TIMM17B: variants seen among roughly 807,000 people sequenced by gnomAD.
TIMM17B encodes translocase of inner mitochondrial membrane 17B, also known as mitochondrial import inner membrane translocase subunit Tim17-B.
A neutral mutation model predicts 15.9 loss-of-function variants in TIMM17B; 10 were observed. The ratio of observed to expected loss-of-function variants is 0.63; its 90% CI spans 0.39 to 1.06. The LOEUF is 1.06. Among genes scored for constraint, TIMM17B ranks in the 50% least tolerant of loss-of-function variants. TIMM17B has a pLI of 0.01. For synonymous variants in TIMM17B, 57 were observed against 57.2 expected (o/e 1.00, Z 0.02); for missense variants, 114 against 152.2 (o/e 0.75, Z 1.32).
exon 7 of TIMM17B, chrX:48,893,533 C>A (rs1227125062): frequency 2.6e-6 from 1 of 389,796 alleles, no homozygotes; most frequent in Non-Finnish European, 4.4e-6. Context: ...GAGTGTGGGG[C>A]TGGGGTGCCC....
chrX:48,896,900 C>T, intron 2 of TIMM17B, 42 bp from the exon 2 acceptor site: 1 of 1,204,955 alleles, frequency 8.3e-7, no homozygotes, highest in South Asian at 1.8e-5. Context: ...GTGAGCCCTC[C>T]CCCAGGTCCT....
intron 1 of TIMM17B, 103 bp from the exon 1 acceptor site, chrX:48,897,871 C>A (rs1557039984): frequency 1.9e-6 from 2 of 1,027,875 alleles, no homozygotes; most frequent in Admixed American, 5.6e-5. Flanking sequence ...ACGCCAAGGA[C>A]GCACTCTCAT....
In TIMM17B at chrX:48,897,709, T is replaced by G. The variant is rs376819581; in HGVS notation, c.26+15A>C. On this transcript the variant is annotated intron_variant, in intron 2 of 6. Coordinates refer to ENST00000376582, the Ensembl canonical transcript of TIMM17B. ...GTCGCAGCAATATTCCGGATGCCTG[T>G]GCCCATTGCCGTACCAGGGCTCCCG... The G allele has an allele frequency of 3.4e-6, 4 of 1,193,533 alleles. No individual in the cohort carries two copies. In the East Asian group the frequency reaches 8.9e-5, roughly 27 times the overall value.
At chrX:48,897,821 C>T in exon 2 of TIMM17B, 1 of 1,180,484 alleles carries the variant, frequency 8.5e-7, no homozygotes, top group African/African-American at 1.7e-5. Flanking sequence ...GAGCTTTCCG[C>T]CTATTACCGG....
exon 6 of TIMM17B, chrX:48,893,963 A>G: frequency 1.7e-6 from 2 of 1,210,594 alleles, no homozygotes; most frequent in Non-Finnish European, 2.2e-6. Context: ...ATGAGGGCCA[A>G]CAGGATGCCC....
At chrX:48,897,645 C>T (rs1009646790) in intron 2 of TIMM17B, 79 bp downstream of exon 1, 1 of 852,258 alleles carries the variant, frequency 1.2e-6, no homozygotes, top group Non-Finnish European at 1.7e-6. Flanking sequence ...TCTGTGCGGC[C>T]GATGCCTCCC....
intron 2 of TIMM17B, chrX:48,897,069 TTA>T: frequency 2.3e-6 from 2 of 858,282 alleles, no homozygotes; most frequent in Non-Finnish European, 3.2e-6. Context: ...GGGAGAAATA[TTA>T]GTCTTCGCCC....
chrX:48,897,777 G>A lies in TIMM17B; in HGVS notation c.-28C>T, dbSNP rs1182286876. 2.5e-6 allele frequency: 3 copies of A among 1,207,734 alleles called. No individual in the cohort carries two copies. Among genetic ancestry groups the A allele is most frequent in the African/African-American group, 1.7e-5 (1 of 57,949 alleles). The stretch of plus-strand genomic sequence containing the variant: ...CGCTGGCGTCTGGCCGCGCAGTCAG[G>A]CCACGCCCCCAGCGTAGACGCACAC... On this transcript the variant is annotated 5_prime_UTR_variant, in exon 2 of 7. Coordinates refer to ENST00000376582, the Ensembl canonical transcript of TIMM17B.
chrX:48,893,896 T>C lies in TIMM17B; in HGVS notation c.430+4A>G, dbSNP rs934944429. 3.3e-6 allele frequency: 4 copies of C among 1,202,944 alleles called. No individual in the cohort carries two copies. The Admixed American group carries it at 8.8e-5, about 26-fold the overall frequency. ...TCCCACTCCCCCGACCACCAGTTAC[T>C]CACCATTTCGGAACTGCTGGGCTGT... On this transcript the variant is annotated splice_donor_region_variant and intron_variant, in intron 6 of 6. Transcript: ENST00000376582.
intron 2 of TIMM17B, 125 bp from the exon 2 acceptor site, chrX:48,896,983 C>G: frequency 4.5e-6 from 5 of 1,118,413 alleles, no homozygotes; most frequent in Non-Finnish European, 5.9e-6. Flanking sequence ...GGAACAAACA[C>G]TTCAGATAAT....
At chrX:48,895,830 G>A in intron 3 of TIMM17B, 1 of 198,140 alleles carries the variant, frequency 5.0e-6, no homozygotes, top group Non-Finnish European at 9.4e-6. Flanking sequence ...CCTCTATCCG[G>A]GTTTCTGAGC....
At chrX:48,895,075 A>G (rs1288533515) in exon 4 of TIMM17B, 15 of 1,201,592 alleles carry the variant, frequency 1.2e-5, no homozygotes, top group Non-Finnish European at 1.7e-5. Context: ...CAGCATTGGC[A>G]CTACCTCTCA....
At chrX:48,896,697 G>A (rs2063316490) in intron 3 of TIMM17B, 62 bp downstream of exon 2, 3 of 1,197,660 alleles carry the variant, frequency 2.5e-6, no homozygotes, top group Non-Finnish European at 3.4e-6. Context: ...AGTTTTCAGA[G>A]CAGCCTCCCT....
At chrX:48,897,516 TG>T in intron 2 of TIMM17B, 1 of 440,777 alleles carries the variant, frequency 2.3e-6, no homozygotes, top group Non-Finnish European at 4.0e-6. Flanking sequence ...AAACATGGCG[TG>T]GTTCGGCCTT....
At chrX:48,897,795 A>C in exon 2 of TIMM17B, 1 of 1,201,515 alleles carries the variant, frequency 8.3e-7, no homozygotes, top group Non-Finnish European at 1.1e-6. Context: ...CCCAGCGTAG[A>C]CGCACACCGG....
chrX:48,893,888 C>G lies in TIMM17B; in HGVS notation c.430+12G>C, dbSNP rs1557039075. On this transcript the variant is annotated intron_variant, in intron 6 of 6. Transcript: ENST00000376582. The stretch of plus-strand genomic sequence containing the variant: ...GGAGTATTTCCCACTCCCCCGACCA[C>G]CAGTTACTCACCATTTCGGAACTGC... The G allele has an allele frequency of 1.7e-6, 2 of 1,198,889 alleles. No individual in the cohort carries two copies. The highest frequency in any genetic ancestry group is 1.8e-5 in the African/African-American group (1 of 57,107).
chrX:48,896,182 A>G (rs2063310222), intron 3 of TIMM17B: 1 of 101,623 alleles, frequency 9.8e-6, no homozygotes, highest in Non-Finnish European at 2.0e-5. Context: ...AAACATGGCC[A>G]GGCACAGTGG....
In TIMM17B at chrX:48,896,712, G is replaced by A. The variant is rs782480198; in HGVS notation, c.126+47C>T. 9 of 1,207,145 alleles carry A rather than the reference G, an allele frequency of 7.5e-6. No individual in the cohort carries two copies. The East Asian group carries it at 2.7e-4, about 36-fold the overall frequency. ...AGTTTTCAGAGCAGCCTCCCTTGTG[G>A]GCAAGATAGCTAACCCCACACCAAC... On this transcript the variant is annotated intron_variant, in intron 3 of 6. Coordinates refer to ENST00000376582, the Ensembl canonical transcript of TIMM17B.
Position 48,897,862 on chromosome X carries a change from C to G in TIMM17B, c.-72-41G>C. The G allele has an allele frequency of 3.8e-6, 4 of 1,051,492 alleles. No individual in the cohort carries two copies. The East Asian group carries it at 9.9e-5, about 26-fold the overall frequency. 86.7% of individuals were successfully genotyped at this position (1,051,492 alleles called of 1,213,427 possible). A position where few individuals can be genotyped will look rare whatever the true frequency, so the allele number is the denominator to read the frequency against. On this transcript the variant is annotated intron_variant, in intron 1 of 6. Coordinates refer to ENST00000376582, the Ensembl canonical transcript of TIMM17B. ...GATTGGGTCGCTATACCGCATGTCA[C>G]GCCAAGGACGCACTCTCATTGGCCA... is the stretch of plus-strand genomic sequence containing the variant.
Sources: allele counts gnomAD v4.1 joint callset, GRCh38; gene constraint gnomAD v4.1.1; transcripts MANE v1.5; gene names NCBI Gene and HGNC (gene_info 2026-07-23, HGNC 2026-07-21).